The following EXOC4 variants were observed in gnomAD, a reference collection of about 807,000 sequenced individuals.
EXOC4 encodes the protein exocyst complex component 4.
In EXOC4, 71 loss-of-function variants were observed where a neutral mutation model predicts 107.2. The ratio of observed to expected loss-of-function variants is 0.66; its 90% CI spans 0.55 to 0.81. The LOEUF is 0.81. Ranked by LOEUF, EXOC4 falls within the 30% of genes least tolerant of loss-of-function variation. The probability of loss-of-function intolerance (pLI) is 0.00; values close to 1 mark genes in which losing one functional copy is unlikely to be tolerated. For missense variants in EXOC4, 1,108 were observed against 1,189.6 expected (o/e 0.93, Z 1.01); for synonymous variants, 456 against 441.2 (o/e 1.03, Z -0.42).
At chr7:133,603,048 G>A (rs903286568) in intron 9 of EXOC4, among the ~76,000 whole-genome samples, 3 of 152,010 alleles carry the variant, frequency 2.0e-5, no homozygotes, top group African/African-American at 7.2e-5. Flanking sequence ...AAAATATGCA[G>A]GATTTTAGAA....
intron 10 of EXOC4, among the ~76,000 whole-genome samples, chr7:133,710,653 C>A (rs1794869943): frequency 7.1e-6 from 1 of 140,628 alleles, no homozygotes. Context: ...GAGTGAGACT[C>A]TGTCTCAGAA....
At chr7:133,329,228 T>A (rs1170488915) in intron 5 of EXOC4, among the ~76,000 whole-genome samples, 3 of 152,234 alleles carry the variant, frequency 2.0e-5, no homozygotes, top group African/African-American at 7.2e-5. Context: ...GAAGCTTGTG[T>A]ATGCTTCACA....
At chr7:133,337,916 G>A (rs892376158) in intron 5 of EXOC4, among the ~76,000 whole-genome samples, 11 of 151,746 alleles carry the variant, frequency 7.2e-5, no homozygotes, top group Admixed American at 5.9e-4. Context: ...ACAGCATTGA[G>A]CCACCATGCT....
the EXOC4 span, among the ~76,000 whole-genome samples, chr7:134,092,841 C>T: frequency 4.0e-5 from 6 of 148,346 alleles, no homozygotes; most frequent in African/African-American, 1.3e-4. Flanking sequence ...GAGAATTGCT[C>T]GAACCCAGGA....
At chr7:134,098,789 G>A in the EXOC4 span, among the ~76,000 whole-genome samples, 4 of 152,188 alleles carry the variant, frequency 2.6e-5, no homozygotes, top group Admixed American at 6.5e-5. Flanking sequence ...CAAGAGAGAT[G>A]AGACATGGGT....
chr7:133,369,966 A>G (rs13223275), intron 6 of EXOC4, among the ~76,000 whole-genome samples: 31,897 of 151,678 alleles, frequency 0.21, 3,621 homozygotes, highest in South Asian at 0.31. Context: ...CATGACGCCC[A>G]GCTAATTTTG....
At chr7:133,617,215 G>A (rs1404774854) in intron 9 of EXOC4, among the ~76,000 whole-genome samples, 1 of 151,944 alleles carries the variant, frequency 6.6e-6, no homozygotes, top group Non-Finnish European at 1.5e-5. Flanking sequence ...GCCTTAGTTA[G>A]GATTACAAGA....
At chr7:133,342,043 T>C (rs934538667) in intron 5 of EXOC4, among the ~76,000 whole-genome samples, 59 of 152,274 alleles carry the variant, frequency 3.9e-4, no homozygotes, top group African/African-American at 1.3e-3. Context: ...AACATTAATA[T>C]TGAGATGTGA....
chr7:133,731,423 A>G (rs1795323402), intron 10 of EXOC4, among the ~76,000 whole-genome samples: 1 of 152,130 alleles, frequency 6.6e-6, no homozygotes, highest in Admixed American at 6.5e-5. Context: ...TTTAAGTAAT[A>G]GGTACTAACT....
intron 7 of EXOC4, among the ~76,000 whole-genome samples, chr7:133,424,901 C>T (rs1020377709): frequency 6.6e-5 from 10 of 152,150 alleles, no homozygotes; most frequent in Non-Finnish European, 2.9e-5. Context: ...GAGGCAAAGC[C>T]TGTATAAACT....
rs989253455 is a variant in EXOC4, at chr7:133,677,900, G to A, written c.1514+47759G>A. 3.9e-5 allele frequency among the ~76,000 whole-genome samples: 6 copies of A among 151,980 alleles called. No individual in the cohort carries two copies. The East Asian group carries it at 5.8e-4, about 15-fold the overall frequency. On this transcript the variant is annotated intron_variant, in intron 10 of 17. Transcript: ENST00000253861. ...AGACCTTACATCACATAGTGAATTA[G>A]GATGTTTATTGAATGTCCTATAATG...
rs201312514 is a variant in EXOC4, at chr7:133,287,319, A to AT, written c.277-1594dup. Among the ~76,000 whole-genome samples, 1,089 of 150,206 alleles carry AT rather than the reference A, an allele frequency of 7.3e-3. 14 individuals are homozygous for AT. The highest frequency in any genetic ancestry group is 0.025 in the African/African-American group (1,033 of 40,982). Reference sequence around the variant, plus strand: ...GTCTATTATATATATATATATGTATATTTTTTTTTGAGACGGAGTCTTGCT... The same window carrying AT: ...GTCTATTATATATATATATATGTATATTTTTTTTTTGAGACGGAGTCTTGCT... On this transcript the variant is annotated intron_variant, in intron 2 of 17. Coordinates refer to ENST00000253861, the MANE Select transcript of EXOC4 (RefSeq NM_021807.4).
chr7:133,393,958 T>C (rs1796913771), intron 7 of EXOC4, among the ~76,000 whole-genome samples: 1 of 152,198 alleles, frequency 6.6e-6, no homozygotes, highest in African/African-American at 2.4e-5. Context: ...AGGAGACCAG[T>C]TCCTCCTGCT....
chr7:134,084,913 A>C, the EXOC4 span, among the ~76,000 whole-genome samples: 1 of 16,888 alleles, frequency 5.9e-5, no homozygotes, highest in Admixed American at 9.6e-4. Flanking sequence ...GTCAGAACAA[A>C]TTTATAGACA....
chr7:133,535,310 C>T (rs1277946314), intron 9 of EXOC4, among the ~76,000 whole-genome samples: 5 of 152,146 alleles, frequency 3.3e-5, no homozygotes, highest in African/African-American at 1.2e-4. Flanking sequence ...TGAATGCAGG[C>T]CTTCTGACTT....
At chr7:133,784,533 G>C (rs948242133) in intron 10 of EXOC4, among the ~76,000 whole-genome samples, 1 of 152,142 alleles carries the variant, frequency 6.6e-6, no homozygotes, top group African/African-American at 2.4e-5. Context: ...TTGCTGGTGA[G>C]CTCCATCAGG....
the EXOC4 span, among the ~76,000 whole-genome samples, chr7:134,082,663 T>C: frequency 6.6e-6 from 1 of 152,158 alleles, no homozygotes; most frequent in Non-Finnish European, 1.5e-5. Flanking sequence ...ATGGTCTCAA[T>C]ATTCTGACCT....
At chr7:133,697,945 A>G (rs1281740966) in intron 10 of EXOC4, among the ~76,000 whole-genome samples, 1 of 152,192 alleles carries the variant, frequency 6.6e-6, no homozygotes, top group Non-Finnish European at 1.5e-5. Context: ...CTCAGAAAGG[A>G]CTCAGAGGAG....
intron 13 of EXOC4, among the ~76,000 whole-genome samples, chr7:133,920,293 A>G (rs1799908379): frequency 6.6e-6 from 1 of 152,182 alleles, no homozygotes; most frequent in African/African-American, 2.4e-5. Flanking sequence ...TTCATCTGAT[A>G]AGTATTTTGC....
Sources: gnomAD v4.1 joint callset for allele counts (sites outside exome capture counted in the v4.1 genomes callset) on GRCh38, gnomAD v4.1.1 for gene constraint, MANE v1.5 for transcripts, NCBI Gene and HGNC (gene_info 2026-07-23, HGNC 2026-07-21) for gene names.